The following ANGPTL4 variants were observed in gnomAD, a reference collection of about 807,000 sequenced individuals.
ANGPTL4 encodes the protein angiopoietin like 4, also known as angiopoietin-related protein 4.
Under a neutral mutation model 39.2 loss-of-function variants are expected in ANGPTL4, and 39 were observed. That is an observed-to-expected ratio of 1.00 (90% CI 0.77 to 1.30). The LOEUF is 1.30. Among genes scored for constraint, ANGPTL4 ranks in the 50% most tolerant of loss-of-function variants. ANGPTL4 has a pLI of 0.00. For missense variants in ANGPTL4, 545 were observed against 549.8 expected, an observed-to-expected ratio of 0.99 and a Z score of 0.09; for synonymous variants, 233 against 229.5, an observed-to-expected ratio of 1.02 and a Z score of -0.14.
chr19:8,373,641 C>G (rs1328079791), intron 6 of ANGPTL4, 64 bp from the exon 7 acceptor site: 2 of 1,611,212 alleles, frequency 1.2e-6, no homozygotes, highest in Non-Finnish European at 1.7e-6. Context: ...CTATCCCTAT[C>G]TCCTTTCAGC....
At chr19:8,370,968 G>A in intron 4 of ANGPTL4, 88 bp from the exon 5 acceptor site, 1 of 1,429,574 alleles carries the variant, frequency 7.0e-7, no homozygotes, top group South Asian at 1.2e-5. Context: ...CCTGGGTTTG[G>A]AGGGGGTTTG....
chr19:8,364,336 G>A lies in ANGPTL4; in HGVS notation c.15G>A (p.Pro5=). The stretch of plus-strand genomic sequence containing the variant: ...TACCTAAGAGGATGAGCGGTGCTCC[G>A]ACGGCCGGGGCAGCCCTGATGCTCT... MSGA[P]TAGAALMLCA... The change falls in exon 1 of 7, where the codon CCG becomes CCA. Residue 5 remains proline (P), a synonymous_variant. Coordinates refer to ENST00000301455, the MANE Select transcript of ANGPTL4 (RefSeq NM_139314.3). 1.3e-6 allele frequency: 2 copies of A among 1,545,590 alleles called. No homozygotes were observed. The highest frequency in any genetic ancestry group is 1.7e-6 in the Non-Finnish European group (2 of 1,149,920).
rs1486564342 is a variant in ANGPTL4, at chr19:8,373,740, C to T, written c.1075C>T (p.Leu359Phe). 4.3e-6 allele frequency: 7 copies of T among 1,613,990 alleles called. No individual in the cohort carries two copies. The highest frequency in any genetic ancestry group is 2.2e-5 in the East Asian group (1 of 44,876). The change falls in exon 7 of 7, where the codon CTC (leucine) becomes TTC (phenylalanine). Residue 359 changes from leucine to phenylalanine, a missense_variant. By Grantham distance (22) the Leu-to-Phe change is conservative (BLOSUM62 0). Transcript: ENST00000301455. The part of the protein sequence containing the change: ...WWFGTCSHSN[L>F]NGQYFRSIPQ... ...GTTTGGCACCTGCAGCCATTCCAAC[C>T]TCAACGGCCAGTACTTCCGCTCCAT...
intron 6 of ANGPTL4, among the ~76,000 whole-genome samples, chr19:8,372,050 G>A (rs112625532): frequency 0.02 from 2,793 of 139,844 alleles, 91 homozygotes; most frequent in African/African-American, 0.068. Context: ...GAGCCACCGC[G>A]CCCGGCCTAC....
Position 8,371,244 on chromosome 19 carries a change from A to C in ANGPTL4, c.761A>C (p.Glu254Ala). ...GGAGTGGCCTCTCCCACTCCAGGCG[A>C]GTTCTGGCTGGGTCTGGAGAAGGTG... ...YKAGFGDPHG[E>A]FWLGLEKVHS... Residue 254 changes from glutamate (E) to alanine (A), a missense_variant, in exon 6 of 7, where the codon GAG becomes GCG. By Grantham distance (107) the Glu-to-Ala change is moderately radical. Transcript: ENST00000301455. This position sits in a 1 kb window ranked among gnomAD's most constrained non-coding sequence, Gnocchi z 5.1. 1.2e-6 allele frequency: 2 copies of C among 1,614,036 alleles called. No individual in the cohort carries two copies. The highest frequency in any genetic ancestry group is 1.7e-6 in the Non-Finnish European group (2 of 1,180,006).
intron 3 of ANGPTL4, 47 bp downstream of exon 3, chr19:8,366,366 C>T: frequency 1.3e-6 from 2 of 1,582,376 alleles, no homozygotes; most frequent in South Asian, 1.1e-5. Context: ...CCCTACCCCG[C>T]CACTTGCCAT....
Position 8,366,320 on chromosome 19 carries a change from G to A in ANGPTL4, c.547+1G>A, listed in dbSNP as rs368451562. ...GCTCACAATGTCAGCCGCCTGCACC[G>A]TGAGTGTCTGCCCCTCGATGCTCTC... is the stretch of plus-strand genomic sequence containing the variant. On this transcript the variant is annotated splice_donor_variant, in intron 3 of 6. Coordinates refer to ENST00000301455, the MANE Select transcript of ANGPTL4 (RefSeq NM_139314.3). LOFTEE classifies it high-confidence loss of function. 76 of 1,613,262 alleles carry A rather than the reference G, an allele frequency of 4.7e-5. No individual in the cohort carries two copies. The highest frequency in any genetic ancestry group is 1.7e-4 in the Middle Eastern group (1 of 6,052).
chr19:8,368,584 C>T (rs982832774), intron 3 of ANGPTL4, among the ~76,000 whole-genome samples: 2 of 152,068 alleles, frequency 1.3e-5, no homozygotes, highest in Non-Finnish European at 2.9e-5. Flanking sequence ...TCCCGCCGGG[C>T]GCAGTGGTTC....
Position 8,366,074 on chromosome 19 carries a change from G to A in ANGPTL4, c.429+10G>A, listed in dbSNP as rs777171576. Reference sequence around the variant, plus strand: ...GCATCTGCAAAGCCAGGTAACCCTAGGATCAAGGGAGAAAAGGTCCCTCTG... The same window carrying A: ...GCATCTGCAAAGCCAGGTAACCCTAAGATCAAGGGAGAAAAGGTCCCTCTG... On this transcript the variant is annotated intron_variant, in intron 2 of 6. Coordinates refer to ENST00000301455, the MANE Select transcript of ANGPTL4 (RefSeq NM_139314.3). The A allele has an allele frequency of 6.2e-7, 1 of 1,613,658 alleles. No homozygotes were observed. The highest frequency in any genetic ancestry group is 1.1e-5 in the South Asian group (1 of 91,070).
chr19:8,372,634 A>G (rs1162026975), intron 6 of ANGPTL4, among the ~76,000 whole-genome samples: 2 of 151,924 alleles, frequency 1.3e-5, no homozygotes, highest in East Asian at 1.9e-4. Flanking sequence ...CTCAATTAAA[A>G]ATACAAAAAA....
In ANGPTL4 at chr19:8,372,882, G is replaced by A. The variant is rs148294821; in HGVS notation, c.1040-823G>A. 4.2e-3 allele frequency among the ~76,000 whole-genome samples: 644 copies of A among 152,194 alleles called. 1 individual carries two copies. Among genetic ancestry groups the A allele is most frequent in the Non-Finnish European group, 6.7e-3 (459 of 68,004 alleles). On this transcript the variant is annotated intron_variant, in intron 6 of 6. Transcript: ENST00000301455. ...CCAGGTACAAGAATCACTTGAGCCC[G>A]TAAGGTTGACGCTGCATTGAGCCAT...
chr19:8,364,605 G>A lies in ANGPTL4; in HGVS notation c.284G>A (p.Ser95Asn). The change falls in exon 1 of 7, where the codon AGC becomes AAC. Residue 95 changes from serine (S) to asparagine (N), a missense_variant. Transcript: ENST00000301455. ...GSTDLPLAPE[S>N]RVDPEVLHSL... ...ACCGACCTCCCGTTAGCCCCTGAGAGCCGGGTGGACCCTGAGGTCCTTCAC... is the reference window on the plus strand; with the variant it reads ...ACCGACCTCCCGTTAGCCCCTGAGAACCGGGTGGACCCTGAGGTCCTTCAC... 2 of 1,592,930 alleles carry A rather than the reference G, an allele frequency of 1.3e-6. No homozygotes were observed. Among genetic ancestry groups the A allele is most frequent in the Non-Finnish European group, 1.7e-6 (2 of 1,170,842 alleles).
chr19:8,369,457 T>A, intron 4 of ANGPTL4, 125 bp downstream of exon 4: 30 of 41,820 alleles, frequency 7.2e-4, no homozygotes, highest in Middle Eastern at 7.9e-3. Context: ...AAGCTGGTCT[T>A]TTTTTTTTTT....
chr19:8,366,162 G>T (rs368039480), intron 2 of ANGPTL4, 40 bp from the exon 3 acceptor site: 1 of 1,611,706 alleles, frequency 6.2e-7, no homozygotes, highest in Non-Finnish European at 8.5e-7. Context: ...GGGACGTGGG[G>T]CCAGGCAGGA....
chr19:8,366,495 C>T (rs1242496803), intron 3 of ANGPTL4, among the ~76,000 whole-genome samples, 176 bp downstream of exon 3: 1 of 152,096 alleles, frequency 6.6e-6, no homozygotes, highest in Non-Finnish European at 1.5e-5. Flanking sequence ...TCAGCCCTGA[C>T]CTGGCCCAGC....
intron 6 of ANGPTL4, among the ~76,000 whole-genome samples, chr19:8,373,132 CA>C (rs901231924): frequency 9.9e-5 from 15 of 151,500 alleles, no homozygotes; most frequent in Non-Finnish European, 2.1e-4. Flanking sequence ...AGGCCAGGCG[CA>C]GTGGGTCATA....
intron 3 of ANGPTL4, among the ~76,000 whole-genome samples, chr19:8,367,861 C>T (rs904692889): frequency 2.6e-5 from 4 of 152,206 alleles, no homozygotes; most frequent in African/African-American, 9.7e-5. Flanking sequence ...GACGGAGTCT[C>T]GCTCTGTTGT....
At position 8,371,227 on chromosome 19, in the gene ANGPTL4, C is replaced by G. The variant is rs760125334; in HGVS notation, c.758-14C>G. 2 of 1,614,106 alleles carry G rather than the reference C, an allele frequency of 1.2e-6. No homozygotes were observed. Among genetic ancestry groups the G allele is most frequent in the Non-Finnish European group, 1.7e-6 (2 of 1,180,030 alleles). On this transcript the variant is annotated splice_polypyrimidine_tract_variant and intron_variant, in intron 5 of 6. Transcript: ENST00000301455. The surrounding 1 kb of genome is among the most constrained non-coding windows in gnomAD (Gnocchi z 5.1). ...AAGTGGCCCTGCCTCATGGAGTGGC[C>G]TCTCCCACTCCAGGCGAGTTCTGGC...
Position 8,364,366 on chromosome 19 carries a change from C to G in ANGPTL4, c.45C>G (p.Ala15=). The G allele has an allele frequency of 6.5e-7, 1 of 1,548,066 alleles. No individual in the cohort carries two copies. The highest frequency in any genetic ancestry group is 8.7e-7 in the Non-Finnish European group (1 of 1,150,764). ...PTAGAALMLC[A]ATAVLLSAQG... ...CCGGGGCAGCCCTGATGCTCTGCGC[C>G]GCCACCGCCGTGCTACTGAGCGCTC... The change falls in exon 1 of 7, where the codon GCC becomes GCG. Residue 15 remains alanine (A), a synonymous_variant. Transcript: ENST00000301455.
Sources: allele counts gnomAD v4.1 joint callset (sites outside exome capture counted in the v4.1 genomes callset), GRCh38; gene constraint gnomAD v4.1.1; non-coding constraint Gnocchi (gnomAD v3.1); transcripts MANE v1.5; gene names NCBI Gene and HGNC (gene_info 2026-07-23, HGNC 2026-07-21).